ADAMTS20: variants seen among roughly 807,000 people sequenced by gnomAD.
The protein encoded by ADAMTS20 is A disintegrin and metalloproteinase with thrombospondin motifs 20.
A neutral mutation model predicts 260.1 loss-of-function variants in ADAMTS20; 225 were observed. That is an observed-to-expected ratio of 0.87 (90% CI 0.78 to 0.97). The LOEUF (loss-of-function observed/expected upper bound fraction) is 0.97. ADAMTS20 is among the 50% of genes least tolerant of loss of function. ADAMTS20 has a pLI of 0.00. For synonymous variants in ADAMTS20, 802 were observed against 769.5 expected (o/e 1.04, Z -0.70); for missense variants, 2,400 against 2,337.7 (o/e 1.03, Z -0.55).
chr12:43,526,637 A>G (rs1943147643), intron 3 of ADAMTS20, among the ~76,000 whole-genome samples: 1 of 152,240 alleles, frequency 6.6e-6, no homozygotes, highest in African/African-American at 2.4e-5. Flanking sequence ...ATTTAAAATG[A>G]ATGATAATAG....
chr12:43,376,752 C>G, intron 32 of ADAMTS20, 99 bp from the exon 33 acceptor site: 4 of 1,404,176 alleles, frequency 2.8e-6, no homozygotes, highest in Non-Finnish European at 2.9e-6. Context: ...CTGGAGCACA[C>G]TGAGGGTCAG....
At chr12:43,485,296 T>A (rs2137419951) in intron 7 of ADAMTS20, among the ~76,000 whole-genome samples, 1 of 152,130 alleles carries the variant, frequency 6.6e-6, no homozygotes, top group South Asian at 2.1e-4. Flanking sequence ...ATGTGATTCA[T>A]CACATAAACA....
rs796347775 is a variant in ADAMTS20 at position 43,427,577 on chromosome 12, A to G, written c.3946-108T>C. 1.8e-5 allele frequency: 19 copies of G among 1,028,662 alleles called. No individual in the cohort carries two copies. The African/African-American group carries it at 2.6e-4, about 14-fold the overall frequency. The allele number at this position is 1,028,662 out of a possible 1,614,324, so 63.7% of individuals were successfully genotyped here. A position where few individuals can be genotyped will look rare whatever the true frequency, so the allele number is the denominator to read the frequency against. Reference sequence around the variant, plus strand: ...TGACTCAATCAAAATCAAACCCTACATTAGAATCTCCTTCATTGGAATCAC... The same window carrying G: ...TGACTCAATCAAAATCAAACCCTACGTTAGAATCTCCTTCATTGGAATCAC... On this transcript the variant is annotated intron_variant, in intron 26 of 38. Coordinates refer to ENST00000389420, the MANE Select transcript of ADAMTS20 (RefSeq NM_025003.5).
intron 3 of ADAMTS20, among the ~76,000 whole-genome samples, chr12:43,517,579 G>C (rs758443373): frequency 1.3e-4 from 20 of 152,100 alleles, no homozygotes; most frequent in Non-Finnish European, 2.8e-4. Context: ...TCATGGGTTA[G>C]AAAACACAAT....
At chr12:43,499,170 A>G (rs1303315274) in intron 4 of ADAMTS20, among the ~76,000 whole-genome samples, 1 of 152,170 alleles carries the variant, frequency 6.6e-6, no homozygotes, top group East Asian at 1.9e-4. Context: ...TTATATTTGG[A>G]ATGCACACCT....
Position 43,491,808 on chromosome 12 carries a change from C to T in ADAMTS20, c.1076+697G>A, listed in dbSNP as rs577840982. Among the ~76,000 whole-genome samples, 56 of 152,060 alleles carry T rather than the reference C, an allele frequency of 3.7e-4. 1 individual carries two copies. The highest frequency in any genetic ancestry group is 1.3e-3 in the African/African-American group (54 of 41,408). On this transcript the variant is annotated intron_variant, in intron 6 of 38. Coordinates refer to ENST00000389420, the MANE Select transcript of ADAMTS20 (RefSeq NM_025003.5). ...GACAAACGAAAGAAGAACAAAGTTG[C>T]TCTTCTTTCCAAGCAACTGAAATAC...
intron 2 of ADAMTS20, among the ~76,000 whole-genome samples, chr12:43,534,450 A>G (rs902061171): frequency 2.6e-5 from 4 of 152,230 alleles, no homozygotes; most frequent in African/African-American, 9.6e-5. Context: ...CCTTTAACAC[A>G]GCAATTCCCC....
Position 43,430,349 on chromosome 12 carries a change from T to G in ADAMTS20, c.3381+3A>C, listed in dbSNP as rs775050443. ...TTTGTTTGTAAACCATGATTCTTTT[T>G]ACCTGTCTGTCACTGGGGCGACTAG... On this transcript the variant is annotated splice_donor_region_variant and intron_variant, in intron 23 of 38. Coordinates refer to ENST00000389420, the MANE Select transcript of ADAMTS20 (RefSeq NM_025003.5). The G allele has an allele frequency of 6.2e-7, 1 of 1,611,084 alleles. No homozygotes were observed. Among genetic ancestry groups the G allele is most frequent in the African/African-American group, 1.3e-5 (1 of 74,858 alleles).
Position 43,454,906 on chromosome 12 carries a change from A to C in ADAMTS20, c.1615-854T>G, listed in dbSNP as rs547135927. Among the ~76,000 whole-genome samples, 5 of 152,312 alleles carry C rather than the reference A, an allele frequency of 3.3e-5. No individual in the cohort carries two copies. In the East Asian group the frequency reaches 9.7e-4, roughly 29 times the overall value. On this transcript the variant is annotated intron_variant, in intron 11 of 38. Transcript: ENST00000389420. ...TGTTTATTTTTAATTGTGGCAAAAC[A>C]TGCATAACATAAAATTTACCATCTT...
chr12:43,382,938 AT>A (rs1425708855), intron 31 of ADAMTS20, among the ~76,000 whole-genome samples: 1 of 152,132 alleles, frequency 6.6e-6, no homozygotes, highest in Non-Finnish European at 1.5e-5. Flanking sequence ...CTATTGATAC[AT>A]ACTACAACCT....
chr12:43,396,144 T>C (rs1940697944), intron 29 of ADAMTS20, among the ~76,000 whole-genome samples: 1 of 152,104 alleles, frequency 6.6e-6, no homozygotes, highest in African/African-American at 2.4e-5. Flanking sequence ...CAAACGGCCC[T>C]GTATAGCAAT....
At chr12:43,460,988 ATTTTTTTT>A (rs1161740021) in intron 11 of ADAMTS20, among the ~76,000 whole-genome samples, 1 of 26,392 alleles carries the variant, frequency 3.8e-5, no homozygotes, top group Non-Finnish European at 6.7e-5. Context: ...ATATATATAT[ATTTTTTTT>A]TTTTTTTTTT....
intron 36 of ADAMTS20, among the ~76,000 whole-genome samples, chr12:43,369,976 T>A (rs915174090): frequency 6.6e-6 from 1 of 152,150 alleles, no homozygotes; most frequent in East Asian, 1.9e-4. Flanking sequence ...AATAGAGCCA[T>A]TGGATTAAAA....
chr12:43,357,879 A>G (rs1196343911), intron 37 of ADAMTS20, among the ~76,000 whole-genome samples: 2 of 152,204 alleles, frequency 1.3e-5, no homozygotes, highest in Non-Finnish European at 2.9e-5. Context: ...ATAATGAATG[A>G]CACTAAAACC....
At chr12:43,433,838 A>C (rs1239385607) in intron 19 of ADAMTS20, 1 of 454,448 alleles carries the variant, frequency 2.2e-6, no homozygotes, top group African/African-American at 2.0e-5. Flanking sequence ...TACTGATAGA[A>C]TGTCAAGGAA....
intron 2 of ADAMTS20, 52 bp downstream of exon 2, chr12:43,550,857 G>A: frequency 1.4e-6 from 2 of 1,475,990 alleles, no homozygotes; most frequent in Non-Finnish European, 1.8e-6. Flanking sequence ...TTCGCTGAAT[G>A]TAGCCCTTGC....
intron 4 of ADAMTS20, among the ~76,000 whole-genome samples, chr12:43,497,914 T>C (rs1942700452): frequency 6.6e-6 from 1 of 152,148 alleles, no homozygotes; most frequent in Non-Finnish European, 1.5e-5. Flanking sequence ...AAGTCTTTAA[T>C]ACTTAGTAAA....
intron 38 of ADAMTS20, among the ~76,000 whole-genome samples, chr12:43,354,527 T>C (rs1939703486): frequency 8.5e-6 from 1 of 117,746 alleles, no homozygotes; most frequent in African/African-American, 3.8e-5. Flanking sequence ...ATTAGCTAGT[T>C]GAATATTATA....
At chr12:43,374,110 C>T (rs1336099588) in intron 36 of ADAMTS20, among the ~76,000 whole-genome samples, 1 of 152,032 alleles carries the variant, frequency 6.6e-6, no homozygotes, top group Non-Finnish European at 1.5e-5. Context: ...GACATATGCC[C>T]AAAGTCACAG....
Sources: gnomAD v4.1 joint callset for allele counts (sites outside exome capture counted in the v4.1 genomes callset) on GRCh38, gnomAD v4.1.1 for gene constraint, MANE v1.5 for transcripts, NCBI Gene and HGNC (gene_info 2026-07-23, HGNC 2026-07-21) for gene names.